Variants in LRP4 observed in about 807,000 individuals in gnomAD.
LRP4 encodes low-density lipoprotein receptor-related protein 4.
In LRP4, 95 loss-of-function variants were observed where a neutral mutation model predicts 220.3. The observed-to-expected ratio is 0.43, with a 90% CI of 0.37 to 0.51. LRP4 has a LOEUF of 0.51. Ranked by LOEUF, LRP4 falls within the 20% of genes least tolerant of loss-of-function variation. The pLI is 0.00. For missense variants in LRP4, 1,925 were observed against 2,567.0 expected (o/e 0.75, Z 5.40); for synonymous variants, 903 against 954.6 (o/e 0.95, Z 1.00).
chr11:46,912,052 C>T (rs991942028), intron 1 of LRP4, among the ~76,000 whole-genome samples: 2 of 152,050 alleles, frequency 1.3e-5, no homozygotes, highest in Non-Finnish European at 2.9e-5. Flanking sequence ...TGGGGTTTCA[C>T]CATGTTGGCC....
intron 7 of LRP4, among the ~76,000 whole-genome samples, chr11:46,897,928 C>A (rs1280132618): frequency 6.6e-6 from 1 of 152,176 alleles, no homozygotes; most frequent in African/African-American, 2.4e-5. Flanking sequence ...CAGAGGGGCT[C>A]CTCACTTCCC....
intron 36 of LRP4, 83 bp downstream of exon 36, chr11:46,864,365 G>A (rs972391221): frequency 2.8e-6 from 3 of 1,077,964 alleles, no homozygotes; most frequent in East Asian, 2.4e-5. Context: ...GCTTGATTCA[G>A]TGAACTGCAG....
chr11:46,892,846 AG>A, intron 13 of LRP4, 126 bp downstream of exon 13: 2 of 1,151,702 alleles, frequency 1.7e-6, no homozygotes, highest in South Asian at 1.4e-5. Flanking sequence ...CTGGGATTAC[AG>A]GCGTGAGCCA....
rs1941397473 is a variant in LRP4, at chr11:46,890,441, A to G, written c.1751T>C (p.Met584Thr). 6.2e-7 allele frequency: 1 copy of G among 1,614,194 alleles called. No individual in the cohort carries two copies. The highest frequency in any genetic ancestry group is 8.5e-7 in the Non-Finnish European group (1 of 1,180,036). ...GNTPRIEASS[M>T]DGSGRRIIAD... ...AATGATGCGGCGTCCAGAGCCATCC[A>G]TGCTGGAGGCCTCAATACGGGGGGT... Residue 584 changes from methionine (M) to threonine (T), a missense_variant, in exon 14 of 38, where the codon ATG (methionine) becomes ACG (threonine). Met to Thr is a moderately conservative substitution (Grantham distance 81, BLOSUM62 -1). This residue lies in a region of LRP4 where 269 missense variants were observed against 436.7 expected (regional missense o/e 0.62). Coordinates refer to ENST00000378623, the MANE Select transcript of LRP4 (RefSeq NM_002334.4). This position sits in a 1 kb window ranked among gnomAD's most constrained non-coding sequence, Gnocchi z 5.3.
chr11:46,889,062 C>T (rs917082998), intron 16 of LRP4, among the ~76,000 whole-genome samples: 5 of 152,186 alleles, frequency 3.3e-5, no homozygotes, highest in South Asian at 2.1e-4. Context: ...AACAGGGTGA[C>T]GCTAAAGGTA....
chr11:46,906,423 T>C (rs1415178070), intron 1 of LRP4, among the ~76,000 whole-genome samples: 20 of 150,780 alleles, frequency 1.3e-4, no homozygotes, highest in Non-Finnish European at 1.5e-5. Context: ...GCCACTGCAC[T>C]GCAGCCTGGG....
At chr11:46,880,132 C>T (rs1462742442) in intron 20 of LRP4, among the ~76,000 whole-genome samples, 1 of 151,802 alleles carries the variant, frequency 6.6e-6, no homozygotes, top group African/African-American at 2.4e-5. Flanking sequence ...ACAAAAAATG[C>T]AAATGTCAAT....
chr11:46,899,784 G>T lies in LRP4; in HGVS notation c.430+79C>A. 1 of 1,172,430 alleles carries T rather than the reference G, an allele frequency of 8.5e-7. No individual in the cohort carries two copies. The highest frequency in any genetic ancestry group is 1.3e-6 in the Non-Finnish European group (1 of 784,314). 72.6% of individuals were successfully genotyped at this position (1,172,430 alleles called of 1,614,324 possible). On this transcript the variant is annotated intron_variant, in intron 4 of 37. Transcript: ENST00000378623. This position sits in a 1 kb window ranked among gnomAD's most constrained non-coding sequence, Gnocchi z 5.9. ...GCAGTTGGAGGTTTGGCAGTGCTAG[G>T]GCCATTGCTGCTATCTTCTCCCATG...
intron 18 of LRP4, among the ~76,000 whole-genome samples, chr11:46,885,130 T>C (rs6485703): frequency 0.95 from 143,997 of 152,040 alleles, 68,692 homozygotes; most frequent in East Asian, 1. Context: ...GGACTACAGG[T>C]ATGTGCCATT....
At position 46,890,410 on chromosome 11, in the gene LRP4, A is replaced by G; in HGVS notation, c.1782T>C (p.Asp594=). ...GGCCATTGGGCCAGAAGAGATGGGT[A>G]TCGGCAATGATGCGGCGTCCAGAGC... ...MDGSGRRIIA[D]THLFWPNGLT... The change falls in exon 14 of 38, where the codon GAT becomes GAC. Residue 594 remains aspartate, a synonymous_variant. Transcript: ENST00000378623. The surrounding 1 kb of genome is among the most constrained non-coding windows in gnomAD (Gnocchi z 5.3). The G allele has an allele frequency of 6.2e-7, 1 of 1,614,156 alleles. No homozygotes were observed. The highest frequency in any genetic ancestry group is 8.5e-7 in the Non-Finnish European group (1 of 1,180,022).
chr11:46,876,434 A>C, intron 25 of LRP4, 32 bp downstream of exon 25: 1 of 1,613,022 alleles, frequency 6.2e-7, no homozygotes, highest in South Asian at 1.1e-5. Context: ...CTGGCCCCCC[A>C]CACTACCCAG....
Position 46,881,910 on chromosome 11 carries a change from AAAGGC to A in LRP4, c.2613-12_2613-8del. On this transcript the variant is annotated splice_polypyrimidine_tract_variant and splice_region_variant and intron_variant, in intron 19 of 37. Transcript: ENST00000378623. ...GTCAGTCCAATACATGTACCTGGGC[AAAGGC>A]AAGGCAAGGCAGGTCTTACAAGCTA... 1 of 1,614,142 alleles carries A rather than the reference AAAGGC, an allele frequency of 6.2e-7. No homozygotes were observed. The highest frequency in any genetic ancestry group is 8.5e-7 in the Non-Finnish European group (1 of 1,179,992).
rs1191959229 is a variant in LRP4 at position 46,909,609 on chromosome 11, C to T, written c.53-6680G>A. ...CCTGGGCGACAGAGCGAGACTCCGT[C>T]TCAAAAAAAAAAAAAAAAAAAAAAA... On this transcript the variant is annotated intron_variant, in intron 1 of 37. Coordinates refer to ENST00000378623, the MANE Select transcript of LRP4 (RefSeq NM_002334.4). 1.9e-3 allele frequency among the ~76,000 whole-genome samples: 14 copies of T among 7,272 alleles called. 1 individual carries two copies. The highest frequency in any genetic ancestry group is 2.5e-3 in the Non-Finnish European group (10 of 3,940). The allele number at this position is 7,272 out of a possible 152,430, so 4.8% of individuals were successfully genotyped here. A position where few individuals can be genotyped will look rare whatever the true frequency, so the allele number is the denominator to read the frequency against.
chr11:46,883,706 C>A (rs1053676002), intron 19 of LRP4, among the ~76,000 whole-genome samples, 165 bp downstream of exon 19: 3 of 152,186 alleles, frequency 2.0e-5, no homozygotes, highest in African/African-American at 7.2e-5. Flanking sequence ...AGGGTCTCCC[C>A]GACAGAGCTG....
In LRP4 at chr11:46,911,608, A is replaced by AAAG. The variant is rs60596634; in HGVS notation, c.52+6719_52+6720insCTT. Reference sequence around the variant, plus strand: ...TGTCTCAAAAAAAAAAAATAAATAAATAAATAAAAATAAAGTCTCTCTCCC... The same window carrying AAAG: ...TGTCTCAAAAAAAAAAAATAAATAAAAAGTAAATAAAAATAAAGTCTCTCTCCC... On this transcript the variant is annotated intron_variant, in intron 1 of 37. Transcript: ENST00000378623. Among the ~76,000 whole-genome samples the AAAG allele has an allele frequency of 2.3e-3, 320 of 140,004 alleles. 12 individuals are homozygous for AAAG. Among genetic ancestry groups the AAAG allele is most frequent in the African/African-American group, 7.6e-3 (277 of 36,412 alleles). 91.8% of individuals were successfully genotyped at this position (140,004 alleles called of 152,430 possible).
chr11:46,866,132 G>C (rs1242296924), intron 34 of LRP4, among the ~76,000 whole-genome samples: 2 of 149,058 alleles, frequency 1.3e-5, no homozygotes, highest in African/African-American at 4.9e-5. Context: ...CCAGTATGTT[G>C]CAGTGGAAAA....
rs61744209 is a variant in LRP4 at position 46,896,261 on chromosome 11, C to T, written c.997G>A (p.Gly333Arg). ...RCIGQRKLCN[G>R]VNDCGDNSDE... ...CTGTTGTCACCACAGTCGTTGACCC[C>T]GTTGCACAGCTTCCTCTGCCCAATG... The change falls in exon 9 of 38, where the codon GGG (glycine) becomes AGG (arginine). Residue 333 changes from glycine (G) to arginine (R), a missense_variant. Physicochemically the swap from Gly to Arg is moderately radical, Grantham distance 125 (BLOSUM62 -2). Coordinates refer to ENST00000378623, the MANE Select transcript of LRP4 (RefSeq NM_002334.4). 1.7e-3 allele frequency: 2,786 copies of T among 1,614,180 alleles called. 21 individuals are homozygous for T. The East Asian group carries it at 0.02, about 12-fold the overall frequency.
At chr11:46,862,066 C>G (rs1487671612) in intron 37 of LRP4, among the ~76,000 whole-genome samples, 2 of 49,934 alleles carry the variant, frequency 4.0e-5, no homozygotes, top group Non-Finnish European at 7.2e-5. Flanking sequence ...GAAACTCTGT[C>G]TCAAAAAAAA....
At position 46,858,879 on chromosome 11, in the gene LRP4, G is replaced by A. The variant is rs536278440; in HGVS notation, c.*104C>T. On this transcript the variant is annotated 3_prime_UTR_variant, in exon 38 of 38. Transcript: ENST00000378623. Reference sequence around the variant, plus strand: ...GAACAGTTATGGGGTGGGAGGAGGAGGAGGACAAGCACACAGAAGCGGGGC... The same window carrying A: ...GAACAGTTATGGGGTGGGAGGAGGAAGAGGACAAGCACACAGAAGCGGGGC... 6.5e-5 allele frequency: 71 copies of A among 1,099,638 alleles called. No homozygotes were observed. The East Asian group carries it at 1.5e-3, about 23-fold the overall frequency. The allele number at this position is 1,099,638 out of a possible 1,614,324, so 68.1% of individuals were successfully genotyped here.
Sources: allele counts gnomAD v4.1 joint callset (sites outside exome capture counted in the v4.1 genomes callset), GRCh38; gene constraint gnomAD v4.1.1; regional missense constraint gnomAD v4.1.1; non-coding constraint Gnocchi (gnomAD v3.1); transcripts MANE v1.5; gene names NCBI Gene and HGNC (gene_info 2026-07-23, HGNC 2026-07-21).